Variants in SLC25A19 observed in about 807,000 individuals in gnomAD.
The protein encoded by SLC25A19 is solute carrier family 25 member 19.
SLC25A19 carries 18 observed loss-of-function variants against 27.9 expected under a neutral mutation model. The ratio of observed to expected loss-of-function variants is 0.64; its 90% confidence interval spans 0.45 to 0.96. The LOEUF is 0.96. Ranked by LOEUF, SLC25A19 falls within the 40% of genes least tolerant of loss-of-function variation. SLC25A19 has a pLI of 0.00. For synonymous variants in SLC25A19, 169 were observed against 167.1 expected (o/e 1.01, Z -0.09); for missense variants, 371 against 418.3 (o/e 0.89, Z 0.99).
At chr17:75,279,193 A>C (rs1033457179) in intron 5 of SLC25A19, among the ~76,000 whole-genome samples, 3 of 152,058 alleles carry the variant, frequency 2.0e-5, no homozygotes, top group African/African-American at 2.4e-5. Flanking sequence ...GGAAATAATC[A>C]AAGAAACAAC....
chr17:75,283,218 T>C (rs937503129), intron 5 of SLC25A19, among the ~76,000 whole-genome samples: 1 of 136,418 alleles, frequency 7.3e-6, no homozygotes, highest in African/African-American at 2.8e-5. Context: ...GGAGAATCGC[T>C]TGAACTCGGG....
intron 5 of SLC25A19, among the ~76,000 whole-genome samples, chr17:75,279,506 C>CTTTTTTT (rs35328245): frequency 8.8e-6 from 1 of 114,120 alleles, no homozygotes; most frequent in Non-Finnish European, 1.8e-5. Flanking sequence ...ATGCTATTAT[C>CTTTTTTT]TTTTTTTTTT....
At chr17:75,276,986 A>T (rs768681432) in intron 7 of SLC25A19, among the ~76,000 whole-genome samples, 1 of 146,684 alleles carries the variant, frequency 6.8e-6, no homozygotes, top group Non-Finnish European at 1.5e-5. Context: ...CCCGGCCAGG[A>T]TATGTTTTAA....
At chr17:75,279,728 C>T (rs1006556707) in intron 5 of SLC25A19, among the ~76,000 whole-genome samples, 7 of 151,904 alleles carry the variant, frequency 4.6e-5, no homozygotes, top group South Asian at 4.2e-4. Flanking sequence ...AGGATGATCT[C>T]GATCTCCTGA....
chr17:75,283,280 G>T, intron 5 of SLC25A19, 143 bp downstream of exon 5: 1 of 911,710 alleles, frequency 1.1e-6, no homozygotes, highest in Non-Finnish European at 1.6e-6. Flanking sequence ...CAGCCTGCAT[G>T]ACAGAGCGAG....
intron 6 of SLC25A19, 38 bp from the exon 7 acceptor site, chr17:75,277,521 G>A (rs1440076611): frequency 1.9e-6 from 3 of 1,612,376 alleles, no homozygotes; most frequent in African/African-American, 2.7e-5. Context: ...ATGGATGAGA[G>A]AAATGCAGTC....
chr17:75,286,487 A>G, intron 3 of SLC25A19, 28 bp from the exon 4 acceptor site: 1 of 1,613,670 alleles, frequency 6.2e-7, no homozygotes. Flanking sequence ...AAAGGTCAGG[A>G]CAGTGGGGTG....
Position 75,276,660 on chromosome 17 carries a change from G to A in SLC25A19, c.774+693C>T, listed in dbSNP as rs891880137. On this transcript the variant is annotated intron_variant, in intron 7 of 7. Coordinates refer to ENST00000416858, the MANE Select transcript of SLC25A19 (RefSeq NM_001126121.2). Reference sequence around the variant, plus strand: ...TGGGATTACAGGAGTGAGCCACCACGTCCACGCCCAGCCTCTGGACATATT... The same window carrying A: ...TGGGATTACAGGAGTGAGCCACCACATCCACGCCCAGCCTCTGGACATATT... Among the ~76,000 whole-genome samples, 3 of 147,800 alleles carry A rather than the reference G, an allele frequency of 2.0e-5. 1 individual carries two copies. The highest frequency in any genetic ancestry group is 4.5e-5 in the Non-Finnish European group (3 of 66,328).
At chr17:75,286,846 T>C (rs972279315) in intron 2 of SLC25A19, 44 bp from the exon 3 acceptor site, 50 of 1,568,708 alleles carry the variant, frequency 3.2e-5, no homozygotes, top group Middle Eastern at 1.9e-4. Context: ...AAGTTTCTTA[T>C]GGTCTCTGCT....
chr17:75,277,536 G>C, intron 6 of SLC25A19, 53 bp from the exon 7 acceptor site: 1 of 1,608,888 alleles, frequency 6.2e-7, no homozygotes, highest in South Asian at 1.1e-5. Context: ...GCAGTCTATG[G>C]GTGACAACTT....
rs62622012 is a variant in SLC25A19, at chr17:75,273,251, C to T, written c.*200G>A. On this transcript the variant is annotated 3_prime_UTR_variant, in exon 8 of 8. Coordinates refer to ENST00000416858, the MANE Select transcript of SLC25A19 (RefSeq NM_001126121.2). ...TGTGTCGTTGGCTCACCATAGACCA[C>T]GTCCTGCATTCCCTCTGATTCTCTC... The T allele has an allele frequency of 2.5e-3, 1,493 of 607,638 alleles. 18 individuals carry two copies. The African/African-American group carries it at 0.025, about 10-fold the overall frequency. 37.6% of individuals were successfully genotyped at this position (607,638 alleles called of 1,614,324 possible). A position where few individuals can be genotyped will look rare whatever the true frequency, so the allele number is the denominator to read the frequency against.
chr17:75,274,319 T>G (rs1466209419), intron 7 of SLC25A19, among the ~76,000 whole-genome samples: 1 of 152,114 alleles, frequency 6.6e-6, no homozygotes, highest in Non-Finnish European at 1.5e-5. Context: ...CGGGCCTCCC[T>G]GCCTCCAGCC....
chr17:75,283,052 C>T (rs1316355590), intron 5 of SLC25A19, among the ~76,000 whole-genome samples: 1 of 149,152 alleles, frequency 6.7e-6, no homozygotes, highest in African/African-American at 2.5e-5. Context: ...GTAATCCTAG[C>T]ACTTTGGGAG....
chr17:75,284,628 TCTTTC>T (rs2078137435), intron 4 of SLC25A19, among the ~76,000 whole-genome samples: 1 of 143,586 alleles, frequency 7.0e-6, no homozygotes, highest in Non-Finnish European at 1.5e-5. Flanking sequence ...TACATTCAGA[TCTTTC>T]TTTTTTTTTT....
In SLC25A19 at chr17:75,286,437, C is replaced by T. The variant is rs138954932; in HGVS notation, c.155G>A (p.Arg52His). The T allele has an allele frequency of 5.4e-4, 870 of 1,614,010 alleles. 2 individuals carry two copies. Among genetic ancestry groups the T allele is most frequent in the Admixed American group, 1.3e-3 (79 of 59,996 alleles). The change falls in exon 4 of 8, where the codon CGC becomes CAC. Residue 52 changes from arginine to histidine, a missense_variant. Transcript: ENST00000416858. ...RFQLQHERLS[R>H]SDPSAKYHGI... ...ATGGTACTTTGCGCTGGGGTCACTG[C>T]GAGACAGGCGCTCATGCTGAAGCTA... is the stretch of plus-strand genomic sequence containing the variant.
Position 75,284,633 on chromosome 17 carries a change from CT to C in SLC25A19, c.289-1041del, listed in dbSNP as rs1555604197. Among the ~76,000 whole-genome samples, 553 of 112,292 alleles carry C rather than the reference CT, an allele frequency of 4.9e-3. 28 individuals are homozygous for C. Among genetic ancestry groups the C allele is most frequent in the Non-Finnish European group, 5.3e-3 (297 of 55,858 alleles). 73.7% of individuals were successfully genotyped at this position (112,292 alleles called of 152,430 possible). Reference sequence around the variant, plus strand: ...GTGACCCCCTTACATTCAGATCTTTCTTTTTTTTTTTTTTTTTTTTTTTTTA... The same window carrying C: ...GTGACCCCCTTACATTCAGATCTTTCTTTTTTTTTTTTTTTTTTTTTTTTA... On this transcript the variant is annotated intron_variant, in intron 4 of 7. Coordinates refer to ENST00000416858, the MANE Select transcript of SLC25A19 (RefSeq NM_001126121.2).
rs778747621 is a variant in SLC25A19, at chr17:75,273,632, C to T, written c.782G>A (p.Arg261Lys). 1 of 1,612,638 alleles carries T rather than the reference C, an allele frequency of 6.2e-7. No individual in the cohort carries two copies. Among genetic ancestry groups the T allele is most frequent in the South Asian group, 1.1e-5 (1 of 91,020 alleles). ...GGCACAGTCCATGAGGCCCTTGTAT[C>T]TCCGTACCTGGGGAGAGGAAAGGGA... ...HARAAFGQVR[R>K]YKGLMDCAKQ... Residue 261 changes from arginine to lysine, a missense_variant, in exon 8 of 8, where the codon AGA becomes AAA. Arg to Lys is a conservative substitution (Grantham distance 26, BLOSUM62 2). Coordinates refer to ENST00000416858, the MANE Select transcript of SLC25A19 (RefSeq NM_001126121.2).
chr17:75,274,778 A>AAAAG (rs913481900), intron 7 of SLC25A19, among the ~76,000 whole-genome samples: 17 of 152,240 alleles, frequency 1.1e-4, no homozygotes, highest in Admixed American at 6.5e-4. Context: ...CCCATTTAAA[A>AAAAG]AAAGAAAGAA....
chr17:75,282,583 C>T (rs536908965), intron 5 of SLC25A19, among the ~76,000 whole-genome samples: 7 of 151,570 alleles, frequency 4.6e-5, no homozygotes, highest in East Asian at 2.0e-4. Context: ...AGGTCGGGCA[C>T]GGTGGCTCAC....
Sources: allele counts gnomAD v4.1 joint callset (sites outside exome capture counted in the v4.1 genomes callset), GRCh38; gene constraint gnomAD v4.1.1; transcripts MANE v1.5; gene names NCBI Gene and HGNC (gene_info 2026-07-23, HGNC 2026-07-21).